The following FKBP1B variants were observed in gnomAD, a reference collection of about 807,000 sequenced individuals.
FKBP1B encodes FKBP prolyl isomerase 1B.
A neutral mutation model predicts 13.5 loss-of-function variants in FKBP1B; 4 were observed. That is an observed-to-expected ratio of 0.30 (90% CI 0.15 to 0.68). FKBP1B has a LOEUF of 0.68. Among genes scored for constraint, FKBP1B ranks in the 30% least tolerant of loss-of-function variants. The pLI, the probability that FKBP1B is intolerant of heterozygous loss-of-function variation, is 0.76. For missense variants in FKBP1B, 93 were observed against 136.2 expected (o/e 0.68, Z 1.58); for synonymous variants, 54 against 53.6 (o/e 1.01, Z -0.03).
intron 1 of FKBP1B, 49 bp downstream of exon 1, chr2:24,049,935 A>G: frequency 7.5e-7 from 1 of 1,332,258 alleles, no homozygotes; most frequent in Non-Finnish European, 9.7e-7. Flanking sequence ...CCCGGGGCGG[A>G]GCCCGGAGGG....
chr2:24,034,254 C>G, the FKBP1B span, among the ~76,000 whole-genome samples: 5 of 152,086 alleles, frequency 3.3e-5, no homozygotes, highest in Admixed American at 3.3e-4. Context: ...AACCCCATCT[C>G]TACTATAAAT....
chr2:24,058,726 G>A (rs1032023947), intron 2 of FKBP1B, among the ~76,000 whole-genome samples: 1 of 152,174 alleles, frequency 6.6e-6, no homozygotes, highest in Admixed American at 6.5e-5. Flanking sequence ...TGGCCACCAG[G>A]GCTTTTCTCC....
the FKBP1B span, chr2:24,039,019 A>G: frequency 8.1e-6 from 13 of 1,614,176 alleles, no homozygotes; most frequent in African/African-American, 1.3e-4. Flanking sequence ...TGCACAGTGA[A>G]TGCGGCCCTG....
chr2:24,043,627 A>G, the FKBP1B span, among the ~76,000 whole-genome samples: 1 of 152,210 alleles, frequency 6.6e-6, no homozygotes, highest in African/African-American at 2.4e-5. Flanking sequence ...TCTCTTCTTA[A>G]TATACTTAAA....
Position 24,049,804 on chromosome 2 carries a change from C to T in FKBP1B, c.-46C>T. 1.5e-6 allele frequency: 2 copies of T among 1,322,240 alleles called. No homozygotes were observed. Among genetic ancestry groups the T allele is most frequent in the South Asian group, 2.0e-5 (1 of 51,212 alleles). 81.9% of individuals were successfully genotyped at this position (1,322,240 alleles called of 1,614,324 possible). Reference sequence around the variant, plus strand: ...GCTGGGGCCGGAGCCGAGCCGGGGTCGGGCAGCAGCAGGGACCCCCCAGAG... The same window carrying T: ...GCTGGGGCCGGAGCCGAGCCGGGGTTGGGCAGCAGCAGGGACCCCCCAGAG... On this transcript the variant is annotated 5_prime_UTR_variant, in exon 1 of 4. Coordinates refer to ENST00000380986, the MANE Select transcript of FKBP1B (RefSeq NM_004116.5).
At chr2:24,056,490 C>G (rs771133147) in intron 2 of FKBP1B, among the ~76,000 whole-genome samples, 3 of 151,122 alleles carry the variant, frequency 2.0e-5, no homozygotes, top group Admixed American at 1.3e-4. Flanking sequence ...ATTACAGGTG[C>G]GCACCACCAC....
chr2:24,059,883 A>C (rs1400860362), intron 2 of FKBP1B, among the ~76,000 whole-genome samples: 1 of 132,122 alleles, frequency 7.6e-6, no homozygotes, highest in Non-Finnish European at 1.6e-5. Context: ...CAACAGAGGG[A>C]GACTCCGACT....
chr2:24,045,619 A>G (rs12996931), upstream of FKBP1B, among the ~76,000 whole-genome samples: 366 of 87,792 alleles, frequency 4.2e-3, 7 homozygotes, highest in East Asian at 0.035. Flanking sequence ...AAAAAAAAAA[A>G]AGAGAGAGAG....
chr2:24,034,686 A>G, the FKBP1B span, among the ~76,000 whole-genome samples: 1 of 151,076 alleles, frequency 6.6e-6, no homozygotes, highest in Non-Finnish European at 1.5e-5. Context: ...TGATCCTCAC[A>G]CCTCAGCCTC....
the FKBP1B span, chr2:24,038,893 T>C: frequency 6.2e-7 from 1 of 1,614,208 alleles, no homozygotes; most frequent in Admixed American, 1.7e-5. Context: ...GCTGTCCACA[T>C]CAAACACCAG....
the FKBP1B span, chr2:24,033,328 G>T: frequency 3.0e-6 from 1 of 330,262 alleles, no homozygotes; most frequent in South Asian, 2.8e-5. Flanking sequence ...AAAAAATGCC[G>T]AGAGAGTGTC....
chr2:24,061,135 T>C (rs1166472083), intron 3 of FKBP1B, among the ~76,000 whole-genome samples: 1 of 152,018 alleles, frequency 6.6e-6, no homozygotes, highest in African/African-American at 2.4e-5. Flanking sequence ...CCCTGGGGGC[T>C]CTCATCCCAA....
rs112080930 is a variant in FKBP1B at position 24,063,557 on chromosome 2, G to T, written c.*365G>T. The T allele has an allele frequency of 7.1e-4, 177 of 249,120 alleles. No individual in the cohort carries two copies. Among genetic ancestry groups the T allele is most frequent in the African/African-American group, 3.4e-3 (158 of 45,954 alleles). The allele number at this position is 249,120 out of a possible 1,614,324, so 15.4% of individuals were successfully genotyped here. On this transcript the variant is annotated 3_prime_UTR_variant, in exon 4 of 4. Transcript: ENST00000380986. ...AGACATGAAATGTACATGGCGTACC[G>T]TACACAGAGGGACTTGAGCCAGTTA... is the stretch of plus-strand genomic sequence containing the variant.
intron 2 of FKBP1B, 78 bp downstream of exon 2, chr2:24,054,027 G>T: frequency 3.5e-6 from 5 of 1,421,346 alleles, no homozygotes; most frequent in Non-Finnish European, 5.0e-6. Context: ...CTCTCCAGAG[G>T]TGCCTGCCTC....
At chr2:24,059,132 G>A (rs1019394659) in intron 2 of FKBP1B, among the ~76,000 whole-genome samples, 1 of 152,168 alleles carries the variant, frequency 6.6e-6, no homozygotes, top group African/African-American at 2.4e-5. Context: ...CCCAGTCTCT[G>A]GATGTACAAG....
At position 24,049,762 on chromosome 2, in the gene FKBP1B, G is replaced by A; in HGVS notation, c.-88G>A. ...CTCTGCAGTGGCGGCGAGGAGGCGAGCCGGAGCGACGGCGGGGCTGGGGCC... is the reference window on the plus strand; with the variant it reads ...CTCTGCAGTGGCGGCGAGGAGGCGAACCGGAGCGACGGCGGGGCTGGGGCC... On this transcript the variant is annotated 5_prime_UTR_variant, in exon 1 of 4. Coordinates refer to ENST00000380986, the MANE Select transcript of FKBP1B (RefSeq NM_004116.5). 3 of 1,142,316 alleles carry A rather than the reference G, an allele frequency of 2.6e-6. No homozygotes were observed. Among genetic ancestry groups the A allele is most frequent in the Non-Finnish European group, 3.4e-6 (3 of 890,812 alleles). 70.8% of individuals were successfully genotyped at this position (1,142,316 alleles called of 1,614,324 possible). A position where few individuals can be genotyped will look rare whatever the true frequency, so the allele number is the denominator to read the frequency against.
In FKBP1B at chr2:24,060,923, C is replaced by A. The variant is rs758618206; in HGVS notation, c.195C>A (p.Ala65=). The part of the protein sequence containing the change: ...EVIKGFEEGA[A]QMSLGQRAKL... ...TCAAAGGTTTTGAAGAGGGTGCAGC[C>A]CAGGTAGGATGAGGATTCGCATTAA... Residue 65 remains alanine, a synonymous_variant, in exon 3 of 4, where the codon GCC becomes GCA. Coordinates refer to ENST00000380986, the MANE Select transcript of FKBP1B (RefSeq NM_004116.5). The A allele has an allele frequency of 2.5e-6, 4 of 1,612,028 alleles. No homozygotes were observed. In the African/African-American group the frequency reaches 5.3e-5, roughly 22 times the overall value.
intron 3 of FKBP1B, 75 bp downstream of exon 3, chr2:24,061,001 A>G (rs1664366295): frequency 9.6e-7 from 1 of 1,045,822 alleles, no homozygotes; most frequent in Non-Finnish European, 1.5e-6. Flanking sequence ...CTCCACCTCC[A>G]CCTTCACCCA....
intron 1 of FKBP1B, among the ~76,000 whole-genome samples, chr2:24,051,812 GT>G (rs1266272031): frequency 2.0e-5 from 3 of 152,156 alleles, no homozygotes; most frequent in African/African-American, 7.2e-5. Context: ...ATCCCATAGA[GT>G]CCTCTAAATA....
Sources: allele counts gnomAD v4.1 joint callset (sites outside exome capture counted in the v4.1 genomes callset), GRCh38; gene constraint gnomAD v4.1.1; transcripts MANE v1.5; gene names NCBI Gene and HGNC (gene_info 2026-07-23, HGNC 2026-07-21).